EPM2A: variants seen among roughly 807,000 people sequenced by gnomAD.
The protein encoded by EPM2A is laforin.
EPM2A carries 21 observed loss-of-function variants against 26.5 expected under a neutral mutation model. The ratio of observed to expected loss-of-function variants is 0.79; its 90% CI spans 0.56 to 1.14. EPM2A has a LOEUF of 1.14. EPM2A is among the 50% of genes most tolerant of loss of function. The probability of loss-of-function intolerance (pLI) is 0.00; values close to 1 mark genes in which losing one functional copy is unlikely to be tolerated. For synonymous variants in EPM2A, 217 were observed against 177.6 expected (o/e 1.22, Z -1.76); for missense variants, 458 against 440.8 (o/e 1.04, Z -0.35).
At chr6:145,408,147 C>T (rs1778594414) in intron 4 of EPM2A, among the ~76,000 whole-genome samples, 1 of 152,158 alleles carries the variant, frequency 6.6e-6, no homozygotes, top group African/African-American at 2.4e-5. Flanking sequence ...TCTCTTATTT[C>T]TGTGCCTACT....
At chr6:145,456,913 C>A (rs990121851) in intron 4 of EPM2A, among the ~76,000 whole-genome samples, 1 of 151,922 alleles carries the variant, frequency 6.6e-6, no homozygotes, top group African/African-American at 2.4e-5. Flanking sequence ...TCTTGAGCCA[C>A]CTTACAGATG....
downstream of EPM2A, among the ~76,000 whole-genome samples, chr6:145,497,631 AC>A (rs1473731566): frequency 1.4e-5 from 2 of 137,958 alleles, no homozygotes; most frequent in Non-Finnish European, 3.2e-5. Context: ...AAGCCTGGAG[AC>A]CGGAACAGCT....
intron 4 of EPM2A, among the ~76,000 whole-genome samples, chr6:145,429,071 C>T (rs540090025): frequency 6.6e-6 from 1 of 152,292 alleles, no homozygotes; most frequent in African/African-American, 2.4e-5. Flanking sequence ...TCACTAGATT[C>T]TTAAATTATT....
chr6:145,666,696 G>A (rs1424977037), intron 2 of EPM2A, among the ~76,000 whole-genome samples: 13 of 138,192 alleles, frequency 9.4e-5, no homozygotes, highest in East Asian at 2.2e-4. Flanking sequence ...AAAAGAGCCC[G>A]CATCGCCAAG....
At chr6:145,501,312 TG>T (rs1779886656), downstream of EPM2A, among the ~76,000 whole-genome samples, 3 of 152,224 alleles carry the variant, frequency 2.0e-5, no homozygotes, top group South Asian at 6.2e-4. Context: ...GCAATATTCC[TG>T]GTGGCATCAC....
intron 2 of EPM2A, chr6:145,635,920 T>C (rs1251937806): frequency 9.7e-6 from 2 of 205,574 alleles, no homozygotes; most frequent in African/African-American, 4.7e-5. Flanking sequence ...TCTATGCAAA[T>C]ATTTCAAATA....
At chr6:145,722,040 A>G (rs571431870) in intron 1 of EPM2A, among the ~76,000 whole-genome samples, 14 of 152,332 alleles carry the variant, frequency 9.2e-5, no homozygotes, top group Middle Eastern at 6.8e-3. Context: ...GTAACAAGTA[A>G]TATCATTTCA....
intron 1 of EPM2A, among the ~76,000 whole-genome samples, chr6:145,714,873 C>A (rs535367771): frequency 1.3e-5 from 2 of 152,280 alleles, no homozygotes; most frequent in South Asian, 4.1e-4. Context: ...TGTGGGAATT[C>A]AAGATGAGAT....
intron 4 of EPM2A, among the ~76,000 whole-genome samples, chr6:145,461,270 T>C (rs1779326253): frequency 1.3e-5 from 2 of 152,174 alleles, no homozygotes; most frequent in South Asian, 2.1e-4. Flanking sequence ...TTGAACTTGA[T>C]TGAAGTGTGT....
intron 1 of EPM2A, among the ~76,000 whole-genome samples, chr6:145,727,291 A>C (rs1776259249): frequency 1.3e-5 from 2 of 152,162 alleles, no homozygotes; most frequent in Admixed American, 1.3e-4. Context: ...ACAAAAGAAA[A>C]AGATGCACAA....
rs1299346918 is a variant in EPM2A, at chr6:145,627,348, G to T, written c.*68C>A. 1 of 1,608,076 alleles carries T rather than the reference G, an allele frequency of 6.2e-7. No individual in the cohort carries two copies. Among genetic ancestry groups the T allele is most frequent in the Non-Finnish European group, 8.5e-7 (1 of 1,179,956 alleles). Reference sequence around the variant, plus strand: ...AGTTCAGGTAGAATCCTTGTTTCTAGGTCATTTGACCAACATCATCCCAGG... The same window carrying T: ...AGTTCAGGTAGAATCCTTGTTTCTATGTCATTTGACCAACATCATCCCAGG... On this transcript the variant is annotated 3_prime_UTR_variant, in exon 4 of 4. Coordinates refer to ENST00000367519, the MANE Select transcript of EPM2A (RefSeq NM_005670.4).
At chr6:145,605,363 T>C (rs531408170) in intron 2 of EPM2A, among the ~76,000 whole-genome samples, 11 of 152,140 alleles carry the variant, frequency 7.2e-5, no homozygotes, top group Non-Finnish European at 1.5e-4. Flanking sequence ...CTGTCTTTTA[T>C]AGAAACAGTA....
intron 4 of EPM2A, among the ~76,000 whole-genome samples, chr6:145,399,299 G>C (rs12111208): frequency 1.3e-5 from 2 of 152,134 alleles, no homozygotes; most frequent in Non-Finnish European, 2.9e-5. Context: ...TGTGACATAA[G>C]AGCTGATCCA....
chr6:145,475,111 AT>A (rs1779524898), intron 4 of EPM2A, among the ~76,000 whole-genome samples: 1 of 152,232 alleles, frequency 6.6e-6, no homozygotes, highest in African/African-American at 2.4e-5. Context: ...CAGCAATCCC[AT>A]TACTGGGTAT....
At chr6:145,647,183 T>C (rs1238492035) in intron 2 of EPM2A, among the ~76,000 whole-genome samples, 3 of 152,224 alleles carry the variant, frequency 2.0e-5, no homozygotes, top group Non-Finnish European at 4.4e-5. Flanking sequence ...ATCGCTTTTA[T>C]ATAAAGTTCA....
chr6:145,601,951 TTAA>T (rs1458673927), intron 2 of EPM2A, among the ~76,000 whole-genome samples: 5 of 152,204 alleles, frequency 3.3e-5, no homozygotes, highest in Admixed American at 6.5e-5. Context: ...GGAATTACAA[TTAA>T]TTATAAATTT....
At chr6:145,394,654 T>C (rs76873949) in intron 4 of EPM2A, among the ~76,000 whole-genome samples, 1,779 of 152,262 alleles carry the variant, frequency 0.012, 41 homozygotes, top group African/African-American at 0.04. Context: ...AATATTGTTA[T>C]GCCTTGACAC....
intron 1 of EPM2A, among the ~76,000 whole-genome samples, chr6:145,687,449 G>T (rs1781000378): frequency 6.6e-6 from 1 of 151,950 alleles, no homozygotes; most frequent in African/African-American, 2.4e-5. Flanking sequence ...TTACATACTA[G>T]TAAACCTTGA....
At chr6:145,632,875 C>T (rs949437293) in intron 3 of EPM2A, among the ~76,000 whole-genome samples, 4 of 152,188 alleles carry the variant, frequency 2.6e-5, no homozygotes, top group Non-Finnish European at 2.9e-5. Flanking sequence ...CAGGTTAGGC[C>T]AAGCCAAAGA....
Sources: gnomAD v4.1 joint callset for allele counts (sites outside exome capture counted in the v4.1 genomes callset) on GRCh38, gnomAD v4.1.1 for gene constraint, MANE v1.5 for transcripts, NCBI Gene and HGNC (gene_info 2026-07-23, HGNC 2026-07-21) for gene names.